Variants in NECTIN1 observed in about 807,000 individuals in gnomAD.
NECTIN1 encodes nectin-1.
Under a neutral mutation model 48.0 loss-of-function variants are expected in NECTIN1, and 23 were observed. The ratio of observed to expected loss-of-function variants is 0.48; its 90% CI spans 0.34 to 0.68. NECTIN1 has a LOEUF of 0.68. NECTIN1 is among the 30% of genes least tolerant of loss of function. NECTIN1 has a pLI of 0.01. For missense variants in NECTIN1, 591 were observed against 709.9 expected (o/e 0.83, Z 1.90); for synonymous variants, 270 against 288.9 (o/e 0.93, Z 0.66).
At chr11:119,705,962 AGGGGC>A (rs1054806233) in intron 1 of NECTIN1, among the ~76,000 whole-genome samples, 22 of 147,494 alleles carry the variant, frequency 1.5e-4, no homozygotes, top group African/African-American at 5.9e-4. Flanking sequence ...GGAGGCGGGG[AGGGGC>A]GGGGCAGGGG....
Position 119,683,113 on chromosome 11 carries a change from T to C in NECTIN1, c.80-4348A>G, listed in dbSNP as rs1591462973. ...CTGGCAGGGTCCAGGGCTTGGGGAG[T>C]TCCCTGCTGACTTTCTCTGATTCCC... On this transcript the variant is annotated intron_variant, in intron 1 of 5. Transcript: ENST00000264025. The surrounding 1 kb of genome is among the most constrained non-coding windows in gnomAD (Gnocchi z 4.0). 1.3e-5 allele frequency among the ~76,000 whole-genome samples: 2 copies of C among 151,962 alleles called. No individual in the cohort carries two copies. The highest frequency in any genetic ancestry group is 2.4e-5 in the African/African-American group (1 of 41,372).
At chr11:119,705,822 A>T (rs907353582) in intron 1 of NECTIN1, among the ~76,000 whole-genome samples, 3 of 152,190 alleles carry the variant, frequency 2.0e-5, no homozygotes, top group East Asian at 1.9e-4. Context: ...GGGAGCCCCA[A>T]GGCCAGAGGC....
chr11:119,651,855 G>A (rs4936491), intron 5 of NECTIN1, among the ~76,000 whole-genome samples: 2 of 152,144 alleles, frequency 1.3e-5, no homozygotes, highest in South Asian at 2.1e-4. Flanking sequence ...GTCTTCAGGA[G>A]CAACTTGGGA....
Position 119,665,152 on chromosome 11 carries a change from G to T in NECTIN1, c.1149C>A (p.His383Gln). 1 of 1,613,648 alleles carries T rather than the reference G, an allele frequency of 6.2e-7. No individual in the cohort carries two copies. The highest frequency in any genetic ancestry group is 8.5e-7 in the Non-Finnish European group (1 of 1,180,010). ...GIVVALRRRR[H>Q]TFKGDYSTKK... ...TGGTGCTGTAGTCACCCTTGAAGGT[G>T]TGCCGGCGCCGACGCAGGGCGACCA... is the stretch of plus-strand genomic sequence containing the variant. The change falls in exon 6 of 6, where the codon CAC becomes CAA. Residue 383 changes from histidine (H) to glutamine (Q), a missense_variant. By Grantham distance (24) the His-to-Gln change is conservative. Transcript: ENST00000264025. This position sits in a 1 kb window ranked among gnomAD's most constrained non-coding sequence, Gnocchi z 5.1.
intron 5 of NECTIN1, among the ~76,000 whole-genome samples, chr11:119,649,813 C>T (rs1431416377): frequency 3.3e-5 from 5 of 152,214 alleles, no homozygotes; most frequent in Non-Finnish European, 5.9e-5. Context: ...GCTGCAGACT[C>T]ACTAGAAATC....
At chr11:119,638,926 C>T in intron 6 of NECTIN1, 1 of 879,486 alleles carries the variant, frequency 1.1e-6, no homozygotes, top group Non-Finnish European at 1.8e-6. Context: ...GGGAGCTCTG[C>T]TTCCCAGGCA....
rs771878829 is a variant in NECTIN1, at chr11:119,665,259, G to A, written c.1042C>T (p.Arg348Cys). Residue 348 changes from arginine to cysteine, a missense_variant, in exon 6 of 6, where the codon CGC becomes TGC. Transcript: ENST00000264025. This position sits in a 1 kb window ranked among gnomAD's most constrained non-coding sequence, Gnocchi z 5.1. ...ATGGCCGTGGGCACCGGCCCGGCGC[G>A]CCGCCCATGTTCGGGAGGAGACGGG... ...YTPSPPEHGR[R>C]AGPVPTAIIG... is the part of the protein sequence containing the mutation. 1.3e-6 allele frequency: 2 copies of A among 1,597,440 alleles called. No homozygotes were observed. Among genetic ancestry groups the A allele is most frequent in the East Asian group, 2.2e-5 (1 of 44,754 alleles).
At chr11:119,699,653 T>C (rs991588955) in intron 1 of NECTIN1, among the ~76,000 whole-genome samples, 1 of 151,698 alleles carries the variant, frequency 6.6e-6, no homozygotes, top group Middle Eastern at 3.2e-3. Context: ...GTGGCAGGAG[T>C]CTGGGGTAGG....
intron 1 of NECTIN1, among the ~76,000 whole-genome samples, chr11:119,681,435 G>A (rs190517882): frequency 3.3e-5 from 5 of 152,334 alleles, no homozygotes; most frequent in Admixed American, 2.6e-4. Context: ...CTGAGCCCCT[G>A]CAATCCTGTC....
rs770459155 is a variant in NECTIN1 at position 119,677,104 on chromosome 11, G to A, written c.849C>T (p.Thr283=). 1.9e-6 allele frequency: 3 copies of A among 1,613,288 alleles called. No homozygotes were observed. The highest frequency in any genetic ancestry group is 1.7e-5 in the Admixed American group (1 of 60,006). The part of the protein sequence containing the change: ...ANPPATEYHW[T]TLNGSLPKGV... Reference sequence around the variant, plus strand: ...CTGGTCAGCCCTGCAGCACTTACGTGGTCCAGTGGTACTCAGTGGCTGGGG... The same window carrying A: ...CTGGTCAGCCCTGCAGCACTTACGTAGTCCAGTGGTACTCAGTGGCTGGGG... The change falls in exon 4 of 6, where the codon ACC becomes ACT. Residue 283 remains threonine, a splice_region_variant and synonymous_variant. Coordinates refer to ENST00000264025, the MANE Select transcript of NECTIN1 (RefSeq NM_002855.5). The surrounding 1 kb of genome is among the most constrained non-coding windows in gnomAD (Gnocchi z 5.4).
At chr11:119,692,039 C>T (rs989213124) in intron 1 of NECTIN1, among the ~76,000 whole-genome samples, 1 of 152,182 alleles carries the variant, frequency 6.6e-6, no homozygotes, top group African/African-American at 2.4e-5. Context: ...GCCGCATGTC[C>T]CCAGCCCCAC....
In NECTIN1 at chr11:119,665,990, C is replaced by G. The variant is rs1014425465; in HGVS notation, c.1004-693G>C. On this transcript the variant is annotated intron_variant, in intron 5 of 5. Coordinates refer to ENST00000264025, the MANE Select transcript of NECTIN1 (RefSeq NM_002855.5). The surrounding 1 kb of genome is among the most constrained non-coding windows in gnomAD (Gnocchi z 5.1). Reference sequence around the variant, plus strand: ...ATGCCCCGTGAGTGCCAATCAGCTGCCAAGGTGCCAGAAACTAGGGCTGTG... The same window carrying G: ...ATGCCCCGTGAGTGCCAATCAGCTGGCAAGGTGCCAGAAACTAGGGCTGTG... Among the ~76,000 whole-genome samples, 1 of 152,142 alleles carries G rather than the reference C, an allele frequency of 6.6e-6. No homozygotes were observed. Among genetic ancestry groups the G allele is most frequent in the African/African-American group, 2.4e-5 (1 of 41,422 alleles).
At chr11:119,650,535 T>C (rs1268139627) in intron 5 of NECTIN1, among the ~76,000 whole-genome samples, 1 of 152,230 alleles carries the variant, frequency 6.6e-6, no homozygotes. Context: ...GGGCCTGGGA[T>C]CCCCTGTGGA....
In NECTIN1 at chr11:119,662,535, C is replaced by A; in HGVS notation, c.*2212G>T. 1.0e-6 allele frequency: 1 copy of A among 985,736 alleles called. No homozygotes were observed. Among genetic ancestry groups the A allele is most frequent in the Non-Finnish European group, 1.2e-6 (1 of 830,006 alleles). The allele number at this position is 985,736 out of a possible 1,614,324, so 61.1% of individuals were successfully genotyped here. Reference sequence around the variant, plus strand: ...GGCTTGGGGCCTTCAAAGTCCAACACAGAATGGGGAATAGAGGGTGGCAGT... The same window carrying A: ...GGCTTGGGGCCTTCAAAGTCCAACAAAGAATGGGGAATAGAGGGTGGCAGT... On this transcript the variant is annotated 3_prime_UTR_variant, in exon 6 of 6. Coordinates refer to ENST00000264025, the MANE Select transcript of NECTIN1 (RefSeq NM_002855.5). The surrounding 1 kb of genome is among the most constrained non-coding windows in gnomAD (Gnocchi z 5.3).
intron 5 of NECTIN1, among the ~76,000 whole-genome samples, chr11:119,670,463 A>T (rs1179586627): frequency 6.6e-6 from 1 of 152,164 alleles, no homozygotes; most frequent in African/African-American, 2.4e-5. Flanking sequence ...TCTTAGAGAT[A>T]AGCCTTGTTC....
intron 1 of NECTIN1, among the ~76,000 whole-genome samples, chr11:119,724,058 G>A (rs1344903621): frequency 6.6e-6 from 1 of 152,148 alleles, no homozygotes; most frequent in Non-Finnish European, 1.5e-5. Flanking sequence ...CCAGGCACAC[G>A]TATGTTGTCC....
chr11:119,669,279 A>G (rs550204272), intron 5 of NECTIN1, among the ~76,000 whole-genome samples: 1 of 152,048 alleles, frequency 6.6e-6, no homozygotes, highest in South Asian at 2.1e-4. Flanking sequence ...AGGTGTAGTG[A>G]TGGGTGCCTG....
At chr11:119,716,673 T>A (rs944871726) in intron 1 of NECTIN1, among the ~76,000 whole-genome samples, 1 of 152,188 alleles carries the variant, frequency 6.6e-6, no homozygotes, top group African/African-American at 2.4e-5. Context: ...AACTGGCGGC[T>A]GGGGGGCAGT....
intron 5 of NECTIN1, among the ~76,000 whole-genome samples, chr11:119,655,217 CTTTT>C (rs934080607): frequency 6.9e-6 from 1 of 145,930 alleles, no homozygotes; most frequent in Non-Finnish European, 1.5e-5. Context: ...GGGTAACAGA[CTTTT>C]TTTTTTTTTA....
Sources: gnomAD v4.1 joint callset for allele counts (sites outside exome capture counted in the v4.1 genomes callset) on GRCh38, gnomAD v4.1.1 for gene constraint, Gnocchi (gnomAD v3.1) non-coding constraint, MANE v1.5 for transcripts, NCBI Gene and HGNC (gene_info 2026-07-23, HGNC 2026-07-21) for gene names.